SERPINB7: variants seen among roughly 807,000 people sequenced by gnomAD.
SERPINB7 encodes serpin family B member 7.
A neutral mutation model predicts 37.4 loss-of-function variants in SERPINB7; 31 were observed. That is an observed-to-expected ratio of 0.83 (90% CI 0.62 to 1.12). SERPINB7 has a LOEUF of 1.12. Ranked by LOEUF, SERPINB7 falls within the 50% of genes most tolerant of loss-of-function variation. The pLI, the probability that SERPINB7 is intolerant of heterozygous loss-of-function variation, is 0.00. For missense variants in SERPINB7, 521 were observed against 455.3 expected, an observed-to-expected ratio of 1.14 and a Z score of -1.31; for synonymous variants, 163 against 166.1, an observed-to-expected ratio of 0.98 and a Z score of 0.14.
In SERPINB7 at chr18:63,799,077, T is replaced by G. The variant is rs966278178; in HGVS notation, c.597+331T>G. 2.6e-5 allele frequency among the ~76,000 whole-genome samples: 4 copies of G among 152,310 alleles called. No homozygotes were observed. The East Asian group carries it at 7.7e-4, about 29-fold the overall frequency. The stretch of plus-strand genomic sequence containing the variant: ...ACAAAAGTGTATTTTTCATTTTTCA[T>G]TTTTTTAACCATGAGGTCTATACTT... On this transcript the variant is annotated intron_variant, in intron 6 of 7. Transcript: ENST00000398019.
chr18:63,783,509 C>T (rs571989118), intron 2 of SERPINB7, among the ~76,000 whole-genome samples: 1 of 152,300 alleles, frequency 6.6e-6, no homozygotes, highest in African/African-American at 2.4e-5. Flanking sequence ...CATCATAGTA[C>T]ATTCCAGATA....
chr18:63,758,288 A>G (rs2049133053), intron 1 of SERPINB7, among the ~76,000 whole-genome samples: 1 of 152,192 alleles, frequency 6.6e-6, no homozygotes, highest in South Asian at 2.1e-4. Flanking sequence ...TATGGCCAGA[A>G]GCAGACATCA....
At chr18:63,754,716 C>T (rs1238094582) in intron 1 of SERPINB7, among the ~76,000 whole-genome samples, 1 of 152,156 alleles carries the variant, frequency 6.6e-6, no homozygotes, top group Non-Finnish European at 1.5e-5. Context: ...CACTCCGAAG[C>T]TTTCTCAAGC....
chr18:63,778,216 G>C (rs1439893140), intron 1 of SERPINB7: 1 of 152,120 alleles, frequency 6.6e-6, no homozygotes, highest in Non-Finnish European at 1.5e-5. Flanking sequence ...ACTAGATTTT[G>C]AGATTAGAAT....
intron 1 of SERPINB7, among the ~76,000 whole-genome samples, chr18:63,756,367 A>G (rs1231709971): frequency 1.3e-5 from 2 of 152,080 alleles, no homozygotes; most frequent in African/African-American, 4.8e-5. Flanking sequence ...ACTGGAATGG[A>G]TTTTCCTGGA....
At chr18:63,773,283 A>G (rs973537323), upstream of SERPINB7, among the ~76,000 whole-genome samples, 1 of 152,120 alleles carries the variant, frequency 6.6e-6, no homozygotes, top group Non-Finnish European at 1.5e-5. Context: ...AATTTGGACC[A>G]ACAAAAACCA....
upstream of SERPINB7, among the ~76,000 whole-genome samples, chr18:63,770,814 A>G (rs61669177): frequency 1.9e-4 from 29 of 151,748 alleles, no homozygotes; most frequent in Non-Finnish European, 4.1e-4. Flanking sequence ...ATTTAACATA[A>G]TGATTATGTT....
intron 1 of SERPINB7, among the ~76,000 whole-genome samples, chr18:63,782,145 GT>G (rs2049306594): frequency 6.6e-6 from 1 of 152,066 alleles, no homozygotes. Context: ...GGACAGAAAT[GT>G]CCACCAACGA....
In SERPINB7 at chr18:63,804,242, A is replaced by G; in HGVS notation, c.750A>G (p.Glu250=). Reference sequence around the variant, plus strand: ...TCTCTGAATTATTTTTACAGATTGAAAACAAACTGACCTTTCAGAATCTAA... The same window carrying G: ...TCTCTGAATTATTTTTACAGATTGAGAACAAACTGACCTTTCAGAATCTAA... ...LLPENDLSEI[E]NKLTFQNLME... is the part of the protein sequence containing the mutation. The change falls in exon 8 of 8, where the codon GAA becomes GAG. Residue 250 remains glutamate (E), a synonymous_variant. Coordinates refer to ENST00000398019, the MANE Select transcript of SERPINB7 (RefSeq NM_003784.4). The G allele has an allele frequency of 6.5e-7, 1 of 1,547,220 alleles. No homozygotes were observed. Among genetic ancestry groups the G allele is most frequent in the Non-Finnish European group, 8.7e-7 (1 of 1,152,106 alleles).
At chr18:63,757,451 G>T (rs1106320) in intron 1 of SERPINB7, among the ~76,000 whole-genome samples, 4,987 of 152,282 alleles carry the variant, frequency 0.033, 127 homozygotes, top group African/African-American at 0.066. Context: ...CAATAAAGTT[G>T]TAAGGTCAGT....
Position 63,778,614 on chromosome 18 carries a change from T to G in SERPINB7, c.-19+2898T>G, listed in dbSNP as rs535993589. On this transcript the variant is annotated intron_variant, in intron 1 of 7. Transcript: ENST00000398019. ...TATCATAACTTTATGTTTTATTGAATGTGTTTTGTGCCTGAATTTTCTTAT... is the reference window on the plus strand; with the variant it reads ...TATCATAACTTTATGTTTTATTGAAGGTGTTTTGTGCCTGAATTTTCTTAT... Among the ~76,000 whole-genome samples the G allele has an allele frequency of 2.0e-5, 3 of 152,302 alleles. No individual in the cohort carries two copies. The East Asian group carries it at 5.8e-4, about 29-fold the overall frequency.
rs1278955266 is a variant in SERPINB7, at chr18:63,754,885, T to A, written c.-19+1765T>A. ...AGCATTGTTTAAACTGAGGTCTTTT[T>A]TTTTTTTTTTTTTTTTTTTTTTTTT... On this transcript the variant is annotated intron_variant, in intron 1 of 7. Transcript: ENST00000336429. Among the ~76,000 whole-genome samples, 45 of 88,022 alleles carry A rather than the reference T, an allele frequency of 5.1e-4. 2 individuals are homozygous for A. The South Asian group carries it at 0.02, about 39-fold the overall frequency. 57.7% of individuals were successfully genotyped at this position (88,022 alleles called of 152,430 possible).
chr18:63,798,693 C>T lies in SERPINB7; in HGVS notation c.544C>T (p.Gln182Ter). The change falls in exon 6 of 8, where the codon CAA (glutamine) becomes TAA (stop). Residue 182 changes from glutamine (Q) to a stop codon, truncating the protein, a stop_gained. Transcript: ENST00000398019. LOFTEE classifies it high-confidence loss of function. ...TGCTGTGTACTTCAAAGGCAAGTGGCAATCAGCCTTCACCAAGAGCGAAAC... is the reference window on the plus strand; with the variant it reads ...TGCTGTGTACTTCAAAGGCAAGTGGTAATCAGCCTTCACCAAGAGCGAAAC... ...VNAVYFKGKWQSAFTKSETIN... is the reference protein window; with the variant it reads ...VNAVYFKGKW The T allele has an allele frequency of 6.2e-7, 1 of 1,612,992 alleles. No homozygotes were observed. The highest frequency in any genetic ancestry group is 8.5e-7 in the Non-Finnish European group (1 of 1,179,582).
chr18:63,792,312 A>G, intron 2 of SERPINB7, 81 bp from the exon 3 acceptor site: 1 of 1,018,850 alleles, frequency 9.8e-7, no homozygotes. Context: ...GGGAAAGAAT[A>G]TTTTTATTTT....
At chr18:63,794,206 C>T (rs1390414440) in intron 4 of SERPINB7, among the ~76,000 whole-genome samples, 2 of 148,666 alleles carry the variant, frequency 1.3e-5, no homozygotes, top group Non-Finnish European at 3.0e-5. Context: ...AGGTGATCTG[C>T]CCACATCAGC....
At chr18:63,793,671 AT>A (rs2049453445) in intron 4 of SERPINB7, among the ~76,000 whole-genome samples, 1 of 152,034 alleles carries the variant, frequency 6.6e-6, no homozygotes, top group African/African-American at 2.4e-5. Flanking sequence ...TGCCCAGCTA[AT>A]TTTTTTGTTG....
At chr18:63,754,495 G>A (rs1335946072) in intron 1 of SERPINB7, among the ~76,000 whole-genome samples, 1 of 152,130 alleles carries the variant, frequency 6.6e-6, no homozygotes, top group Non-Finnish European at 1.5e-5. Context: ...TAGTAGGTAC[G>A]AGCCCTGTCG....
upstream of SERPINB7, among the ~76,000 whole-genome samples, chr18:63,771,105 G>A (rs2049208608): frequency 6.6e-6 from 1 of 152,040 alleles, no homozygotes; most frequent in South Asian, 2.1e-4. Context: ...ATGTGAACAT[G>A]TACAAGAAAG....
intron 2 of SERPINB7, among the ~76,000 whole-genome samples, chr18:63,786,848 T>C (rs2049378565): frequency 6.6e-6 from 1 of 152,194 alleles, no homozygotes; most frequent in South Asian, 2.1e-4. Flanking sequence ...AGAATTGTGA[T>C]AAACAAGCCC....
Sources: gnomAD v4.1 joint callset for allele counts (sites outside exome capture counted in the v4.1 genomes callset) on GRCh38, gnomAD v4.1.1 for gene constraint, MANE v1.5 for transcripts, NCBI Gene and HGNC (gene_info 2026-07-23, HGNC 2026-07-21) for gene names.